Variants in IFT88 observed in about 807,000 individuals in gnomAD.
IFT88 encodes the protein intraflagellar transport protein 88 homolog.
IFT88 carries 74 observed loss-of-function variants against 119.5 expected under a neutral mutation model. The ratio of observed to expected loss-of-function variants is 0.62; its 90% CI spans 0.51 to 0.75. IFT88 has a LOEUF of 0.75. IFT88 is among the 30% of genes least tolerant of loss of function. The pLI is 0.00. For missense variants in IFT88, 961 were observed against 977.7 expected (o/e 0.98, Z 0.23); for synonymous variants, 279 against 316.7 (o/e 0.88, Z 1.26).
intron 13 of IFT88, among the ~76,000 whole-genome samples, chr13:20,609,778 AC>A (rs1228500823): frequency 2.0e-5 from 3 of 152,086 alleles, no homozygotes; most frequent in Non-Finnish European, 2.9e-5. Context: ...AAAACAAAAA[AC>A]AAAAAACAAA....
intron 7 of IFT88, among the ~76,000 whole-genome samples, chr13:20,595,228 A>G (rs561273471): frequency 6.6e-6 from 1 of 152,254 alleles, no homozygotes; most frequent in African/African-American, 2.4e-5. Flanking sequence ...GTGCCTGTAA[A>G]TAGCCACTGC....
chr13:20,598,728 C>A lies in IFT88; in HGVS notation c.672C>A (p.Val224=), dbSNP rs1465191410. ...CACTTAACACTTATCAAGTTATAGTCAAAAATAAGATGTTTAGCAATGCAG... is the reference window on the plus strand; with the variant it reads ...CACTTAACACTTATCAAGTTATAGTAAAAAATAAGATGTTTAGCAATGCAG... ...AEALNTYQVI[V]KNKMFSNAGI... is the part of the protein sequence containing the mutation. The change falls in exon 10 of 26, where the codon GTC becomes GTA. Residue 224 remains valine, a synonymous_variant. Coordinates refer to ENST00000351808, the MANE Select transcript of IFT88 (RefSeq NM_006531.5). 3.7e-6 allele frequency: 6 copies of A among 1,605,998 alleles called. No individual in the cohort carries two copies. In the South Asian group the frequency reaches 5.5e-5, roughly 15 times the overall value.
At chr13:20,633,968 T>C (rs1161147396) in intron 16 of IFT88, among the ~76,000 whole-genome samples, 1 of 152,166 alleles carries the variant, frequency 6.6e-6, no homozygotes, top group East Asian at 1.9e-4. Context: ...TGGGCTTGCC[T>C]GGCCTTACTC....
chr13:20,574,862 G>A (rs973568131), intron 2 of IFT88, among the ~76,000 whole-genome samples: 2 of 151,944 alleles, frequency 1.3e-5, no homozygotes, highest in Admixed American at 6.6e-5. Context: ...ATATTTATGG[G>A]GAATATGGGA....
At chr13:20,679,343 G>T (rs2057058831) in intron 24 of IFT88, among the ~76,000 whole-genome samples, 1 of 152,102 alleles carries the variant, frequency 6.6e-6, no homozygotes, top group South Asian at 2.1e-4. Context: ...TTGTACTGTG[G>T]AATGCAGAGC....
chr13:20,613,092 A>G (rs1330354964), intron 13 of IFT88, among the ~76,000 whole-genome samples: 1 of 152,200 alleles, frequency 6.6e-6, no homozygotes, highest in Non-Finnish European at 1.5e-5. Flanking sequence ...GATAAATTGG[A>G]CGTTATCAAA....
intron 13 of IFT88, among the ~76,000 whole-genome samples, chr13:20,611,052 A>C (rs1388534007): frequency 1.3e-5 from 2 of 151,850 alleles, no homozygotes; most frequent in Middle Eastern, 3.2e-3. Flanking sequence ...TGATCATGCC[A>C]CTGCACACCA....
At chr13:20,635,971 G>C (rs1279664347) in intron 16 of IFT88, among the ~76,000 whole-genome samples, 1 of 151,812 alleles carries the variant, frequency 6.6e-6, no homozygotes, top group Admixed American at 6.6e-5. Context: ...GTTCTGCCCT[G>C]AGACATTTGG....
intron 3 of IFT88, among the ~76,000 whole-genome samples, chr13:20,587,535 A>T (rs894783545): frequency 6.6e-6 from 1 of 152,136 alleles, no homozygotes; most frequent in African/African-American, 2.4e-5. Flanking sequence ...TGGGATTACA[A>T]GCATGAGCCA....
chr13:20,605,174 GA>G, intron 13 of IFT88, 69 bp downstream of exon 13: 1 of 598,976 alleles, frequency 1.7e-6, no homozygotes, highest in Non-Finnish European at 2.8e-6. Context: ...TTAGTATTAA[GA>G]TACTTAATAT....
intron 23 of IFT88, among the ~76,000 whole-genome samples, chr13:20,664,190 A>G (rs2054276669): frequency 6.6e-6 from 1 of 152,246 alleles, no homozygotes; most frequent in Non-Finnish European, 1.5e-5. Flanking sequence ...AGAGAGGAAC[A>G]TAAACCAATT....
intron 2 of IFT88, among the ~76,000 whole-genome samples, chr13:20,577,723 G>T (rs192135117): frequency 9.9e-4 from 151 of 152,230 alleles, no homozygotes; most frequent in African/African-American, 3.5e-3. Context: ...GATGATGAAT[G>T]ATCTTTCTAA....
intron 1 of IFT88, chr13:20,568,074 GC>G (rs1341181512): frequency 6.4e-5 from 45 of 705,014 alleles, no homozygotes; most frequent in Non-Finnish European, 1.1e-4. Context: ...TTTGTGTTGG[GC>G]CACATTCAAA....
At chr13:20,597,700 T>G (rs556909119) in intron 9 of IFT88, among the ~76,000 whole-genome samples, 2 of 149,178 alleles carry the variant, frequency 1.3e-5, no homozygotes, top group Admixed American at 6.6e-5. Context: ...GCCAAGATCT[T>G]GCCACCACAC....
chr13:20,578,031 CTTCT>C lies in IFT88; in HGVS notation c.90+3559_90+3562del, dbSNP rs1305296459. Among the ~76,000 whole-genome samples the C allele has an allele frequency of 8.2e-4, 49 of 59,850 alleles. 1 individual carries two copies. The highest frequency in any genetic ancestry group is 2.4e-3 in the African/African-American group (46 of 19,472). The allele number at this position is 59,850 out of a possible 152,430, so 39.3% of individuals were successfully genotyped here. A position where few individuals can be genotyped will look rare whatever the true frequency, so the allele number is the denominator to read the frequency against. On this transcript the variant is annotated intron_variant, in intron 2 of 25. Coordinates refer to ENST00000351808, the MANE Select transcript of IFT88 (RefSeq NM_006531.5). ...TTTTATTGTGGCTTCAGTCTTGTTA[CTTCT>C]TTTTTTTTTTTTTTTTTTTTTTTTT...
At chr13:20,568,421 C>T (rs2035429334) in intron 1 of IFT88, among the ~76,000 whole-genome samples, 1 of 152,168 alleles carries the variant, frequency 6.6e-6, no homozygotes, top group African/African-American at 2.4e-5. Flanking sequence ...TTGTATGTTC[C>T]ACAAGATGTC....
At position 20,593,590 on chromosome 13, in the gene IFT88, T is replaced by C. The variant is rs182084294; in HGVS notation, c.398+1186T>C. Among the ~76,000 whole-genome samples the C allele has an allele frequency of 2.0e-5, 3 of 152,196 alleles. No homozygotes were observed. The East Asian group carries it at 5.8e-4, about 29-fold the overall frequency. ...CCCAGTATTTAGGCTTTCGTGTAAA[T>C]TACATAATTTCCATTTTTGACTAGC... is the stretch of plus-strand genomic sequence containing the variant. On this transcript the variant is annotated intron_variant, in intron 7 of 25. Transcript: ENST00000351808.
chr13:20,629,630 A>G (rs1709846979), intron 15 of IFT88, among the ~76,000 whole-genome samples: 1 of 152,202 alleles, frequency 6.6e-6, no homozygotes, highest in Admixed American at 6.5e-5. Flanking sequence ...GTATTTTAAA[A>G]TCTTCTGTCC....
At position 20,669,422 on chromosome 13, in the gene IFT88, G is replaced by A. The variant is rs897256185; in HGVS notation, c.2176-1551G>A. On this transcript the variant is annotated intron_variant, in intron 23 of 25. Transcript: ENST00000351808. ...ATTTGTCTTGATGAATTTATTTTCA[G>A]CATTTTTTTTTTTTTTTGAGACGGA... is the stretch of plus-strand genomic sequence containing the variant. Among the ~76,000 whole-genome samples the A allele has an allele frequency of 1.1e-3, 132 of 125,460 alleles. 1 individual carries two copies. Among genetic ancestry groups the A allele is most frequent in the Non-Finnish European group, 1.8e-3 (99 of 56,388 alleles). 82.3% of individuals were successfully genotyped at this position (125,460 alleles called of 152,430 possible).
Sources: gnomAD v4.1 joint callset for allele counts (sites outside exome capture counted in the v4.1 genomes callset) on GRCh38, gnomAD v4.1.1 for gene constraint, MANE v1.5 for transcripts, NCBI Gene and HGNC (gene_info 2026-07-23, HGNC 2026-07-21) for gene names.